The following CPNE4 variants were observed in gnomAD, a reference collection of about 807,000 sequenced individuals.
The protein encoded by CPNE4 is copine 4.
Under a neutral mutation model 67.9 loss-of-function variants are expected in CPNE4, and 25 were observed. That is an observed-to-expected ratio of 0.37 (90% CI 0.27 to 0.51). The LOEUF (loss-of-function observed/expected upper bound fraction) is 0.51, where lower values mean the gene tolerates loss of function less well. CPNE4 is among the 20% of genes least tolerant of loss of function. The pLI, the probability that CPNE4 is intolerant of heterozygous loss-of-function variation, is 0.93. For synonymous variants in CPNE4, 242 were observed against 244.9 expected (o/e 0.99, Z 0.11); for missense variants, 464 against 690.8 (o/e 0.67, Z 3.68).
chr3:131,645,667 G>A (rs929009510), intron 7 of CPNE4, among the ~76,000 whole-genome samples: 1 of 152,156 alleles, frequency 6.6e-6, no homozygotes, highest in African/African-American at 2.4e-5. Context: ...GAAGTCTCAA[G>A]AGCCTTTGTG....
chr3:131,717,902 C>CTT (rs879884515), intron 3 of CPNE4, among the ~76,000 whole-genome samples: 2 of 129,214 alleles, frequency 1.5e-5, no homozygotes, highest in Admixed American at 7.8e-5. Context: ...TTCTTTCTTT[C>CTT]TTTCTTTCTT....
chr3:131,928,087 T>C (rs1225044), intron 1 of CPNE4, among the ~76,000 whole-genome samples: 65,410 of 151,966 alleles, frequency 0.43, 14,256 homozygotes, highest in Non-Finnish European at 0.45. Context: ...TTCTAAGTTG[T>C]AAATAAAGTT....
chr3:131,739,697 A>G (rs2082315126), intron 2 of CPNE4, among the ~76,000 whole-genome samples: 1 of 152,254 alleles, frequency 6.6e-6, no homozygotes, highest in African/African-American at 2.4e-5. Context: ...CATTTCTTGA[A>G]CATCTACTAC....
At chr3:131,620,325 G>T in intron 7 of CPNE4, 1 of 254,222 alleles carries the variant, frequency 3.9e-6, no homozygotes, top group Non-Finnish European at 6.2e-6. Context: ...AGAGTTTCTT[G>T]GAGCAAGAAG....
chr3:131,688,523 G>A (rs907199800), intron 5 of CPNE4, among the ~76,000 whole-genome samples: 4 of 152,036 alleles, frequency 2.6e-5, no homozygotes, highest in Non-Finnish European at 4.4e-5. Context: ...TTTCCCTATG[G>A]ATGTGGGCTA....
At chr3:131,594,687 AATAG>A (rs1236638162) in intron 7 of CPNE4, among the ~76,000 whole-genome samples, 18 of 152,334 alleles carry the variant, frequency 1.2e-4, no homozygotes, top group African/African-American at 3.6e-4. Flanking sequence ...TAAAAGCAAA[AATAG>A]ATAGGTAGGA....
intron 1 of CPNE4, among the ~76,000 whole-genome samples, chr3:132,015,900 G>A (rs61792183): frequency 6.5e-4 from 99 of 152,306 alleles, no homozygotes; most frequent in Non-Finnish European, 1.2e-3. Context: ...ACCAAGAATT[G>A]GGGCTTCTCA....
At chr3:131,778,018 C>A (rs2083332346) in intron 2 of CPNE4, among the ~76,000 whole-genome samples, 1 of 152,056 alleles carries the variant, frequency 6.6e-6, no homozygotes, top group Non-Finnish European at 1.5e-5. Context: ...GTGCTTTGCT[C>A]CCTGGTGACT....
At chr3:131,979,828 G>A (rs2072860445) in intron 1 of CPNE4, among the ~76,000 whole-genome samples, 2 of 151,938 alleles carry the variant, frequency 1.3e-5, no homozygotes, top group South Asian at 4.2e-4. Context: ...CTGTTGTGAT[G>A]TGTTTCCAGG....
intron 6 of CPNE4, among the ~76,000 whole-genome samples, chr3:131,679,887 G>A (rs1381824897): frequency 6.6e-6 from 1 of 152,152 alleles, no homozygotes; most frequent in African/African-American, 2.4e-5. Context: ...GTGGTGGTGA[G>A]AAGAATGTAT....
chr3:131,661,731 CAA>C (rs376796611), intron 7 of CPNE4, among the ~76,000 whole-genome samples: 3 of 152,250 alleles, frequency 2.0e-5, no homozygotes, highest in Middle Eastern at 3.4e-3. Flanking sequence ...CCAGAAAACT[CAA>C]GAGGACCATG....
At chr3:131,920,163 C>A (rs1310435317) in intron 1 of CPNE4, among the ~76,000 whole-genome samples, 3 of 152,154 alleles carry the variant, frequency 2.0e-5, no homozygotes, top group African/African-American at 7.2e-5. Flanking sequence ...ATTTTTCCTA[C>A]CTTTATTGAT....
chr3:131,663,481 C>A (rs1481282843), intron 7 of CPNE4, among the ~76,000 whole-genome samples: 1 of 149,532 alleles, frequency 6.7e-6, no homozygotes, highest in African/African-American at 2.5e-5. Flanking sequence ...AGTAAAAAAA[C>A]GTAAATTAAA....
intron 1 of CPNE4, among the ~76,000 whole-genome samples, chr3:131,933,815 C>T (rs2071140779): frequency 6.6e-6 from 1 of 150,930 alleles, no homozygotes; most frequent in Admixed American, 6.6e-5. Context: ...CACATGTTCT[C>T]ACTTATATGT....
chr3:131,580,233 A>C (rs1463019444), intron 9 of CPNE4, among the ~76,000 whole-genome samples: 4 of 152,162 alleles, frequency 2.6e-5, no homozygotes, highest in African/African-American at 9.7e-5. Context: ...AAATTAAAGT[A>C]CGTACATTTT....
rs79127364 is a variant in CPNE4, at chr3:131,999,241, TAAAAAAAAAAA to T, written c.-2+35315_-2+35325del. On this transcript the variant is annotated intron_variant, in intron 1 of 15. Transcript: ENST00000429747. ...CTCAATTATAGGTATTTATCCAAGG[TAAAAAAAAAAA>T]AAAAAAAAAAAAGATAGCCTCTGTA... 4.7e-4 allele frequency among the ~76,000 whole-genome samples: 46 copies of T among 98,806 alleles called. 1 individual carries two copies. Among genetic ancestry groups the T allele is most frequent in the African/African-American group, 2.0e-3 (38 of 18,690 alleles). The allele number at this position is 98,806 out of a possible 152,430, so 64.8% of individuals were successfully genotyped here.
At position 131,654,425 on chromosome 3, in the gene CPNE4, C is replaced by T. The variant is rs539569873; in HGVS notation, c.681+15250G>A. 1.4e-4 allele frequency among the ~76,000 whole-genome samples: 22 copies of T among 152,074 alleles called. No individual in the cohort carries two copies. In the South Asian group the frequency reaches 2.3e-3, roughly 16 times the overall value. ...CCCTCTACCCTCAGGTAGGCCCCAG[C>T]GTCTGTTGTTCCCCTCTTTGTGTCC... On this transcript the variant is annotated intron_variant, in intron 7 of 15. Transcript: ENST00000429747.
At position 131,992,368 on chromosome 3, in the gene CPNE4, G is replaced by A. The variant is rs368776772; in HGVS notation, c.-2+42199C>T. ...ACATGGGGTCAAAGGGGATCATTTC[G>A]GAATTTTAAGGTTAATGACTGCCCT... On this transcript the variant is annotated intron_variant, in intron 1 of 15. Transcript: ENST00000429747. Among the ~76,000 whole-genome samples, 25 of 136,756 alleles carry A rather than the reference G, an allele frequency of 1.8e-4. 5 individuals carry two copies. The highest frequency in any genetic ancestry group is 1.8e-3 in the South Asian group (7 of 3,960). The allele number at this position is 136,756 out of a possible 152,430, so 89.7% of individuals were successfully genotyped here. A position where few individuals can be genotyped will look rare whatever the true frequency, so the allele number is the denominator to read the frequency against.
At chr3:131,832,998 T>A (rs992836529) in intron 2 of CPNE4, among the ~76,000 whole-genome samples, 1 of 152,086 alleles carries the variant, frequency 6.6e-6, no homozygotes, top group African/African-American at 2.4e-5. Flanking sequence ...GGTAGGTGAT[T>A]TATGAGAGCA....
Sources: gnomAD v4.1 joint callset for allele counts (sites outside exome capture counted in the v4.1 genomes callset) on GRCh38, gnomAD v4.1.1 for gene constraint, MANE v1.5 for transcripts, NCBI Gene and HGNC (gene_info 2026-07-23, HGNC 2026-07-21) for gene names.